The following RGL1 variants were observed in gnomAD, a reference collection of about 807,000 sequenced individuals.
The protein encoded by RGL1 is ral guanine nucleotide dissociation stimulator-like 1.
Under a neutral mutation model 95.2 loss-of-function variants are expected in RGL1, and 24 were observed. That is an observed-to-expected ratio of 0.25 (90% CI 0.18 to 0.35). The LOEUF is 0.35. RGL1 is among the 10% of genes least tolerant of loss of function. RGL1 has a pLI of 1.00. For missense variants in RGL1, 715 were observed against 936.3 expected (o/e 0.76, Z 3.08); for synonymous variants, 329 against 344.9 (o/e 0.95, Z 0.51).
intron 2 of RGL1, among the ~76,000 whole-genome samples, chr1:183,808,747 ATCTC>A (rs1319352573): frequency 1.9e-4 from 29 of 150,694 alleles, no homozygotes; most frequent in African/African-American, 1.9e-4. Context: ...TGTTGTGATG[ATCTC>A]TCTCTCTCTC....
intron 1 of RGL1, among the ~76,000 whole-genome samples, chr1:183,660,487 C>A (rs1651535356): frequency 6.6e-6 from 1 of 151,492 alleles, no homozygotes; most frequent in Non-Finnish European, 1.5e-5. Flanking sequence ...GTAAAGGGAT[C>A]AATGCAACAA....
At chr1:183,752,672 CTT>C (rs140993792) in intron 2 of RGL1, among the ~76,000 whole-genome samples, 1 of 134,650 alleles carries the variant, frequency 7.4e-6, no homozygotes, top group Admixed American at 7.9e-5. Context: ...CTCTTTCTCT[CTT>C]TCTCTCTCTC....
In RGL1 at chr1:183,696,480, GT is replaced by G. The variant is rs546645281; in HGVS notation, c.-32-45643del. 9.5e-3 allele frequency among the ~76,000 whole-genome samples: 1,453 copies of G among 152,240 alleles called. 18 individuals carry two copies. Among genetic ancestry groups the G allele is most frequent in the Non-Finnish European group, 0.014 (919 of 68,014 alleles). On this transcript the variant is annotated intron_variant, in intron 1 of 18. Transcript: ENST00000304685. ...GGGTGCCTTAGGGCTTTGTCTTAAT[GT>G]TTCTTCACATAACCTCAGTTGACAA...
chr1:183,742,365 C>T, intron 2 of RGL1: 1 of 1,556,688 alleles, frequency 6.4e-7, no homozygotes, highest in South Asian at 1.1e-5. Flanking sequence ...CTTCGTGTAG[C>T]CAGCACCACA....
intron 3 of RGL1, among the ~76,000 whole-genome samples, chr1:183,862,257 GA>G (rs1180410038): frequency 1.3e-5 from 2 of 152,198 alleles, no homozygotes; most frequent in Non-Finnish European, 2.9e-5. Flanking sequence ...AGCCTCTCAG[GA>G]GGCTGAGGTG....
chr1:183,916,398 T>C, intron 15 of RGL1, 49 bp from the exon 16 acceptor site: 1 of 1,598,518 alleles, frequency 6.3e-7, no homozygotes, highest in Non-Finnish European at 8.5e-7. Flanking sequence ...GCAAAGCTGT[T>C]GGCCAGCGTT....
At chr1:183,876,182 A>G (rs1479489687) in intron 4 of RGL1, among the ~76,000 whole-genome samples, 2 of 152,202 alleles carry the variant, frequency 1.3e-5, no homozygotes, top group Non-Finnish European at 2.9e-5. Flanking sequence ...CATCGCATAA[A>G]TTGTTTTTGT....
intron 4 of RGL1, among the ~76,000 whole-genome samples, chr1:183,867,931 G>T (rs559008755): frequency 1.3e-5 from 2 of 152,318 alleles, no homozygotes; most frequent in South Asian, 2.1e-4. Flanking sequence ...CCTGAGTTAG[G>T]TTCCATGTAG....
chr1:183,916,370 A>G (rs1238640762), intron 15 of RGL1, 77 bp from the exon 16 acceptor site: 10 of 1,541,390 alleles, frequency 6.5e-6, no homozygotes, highest in Admixed American at 1.8e-5. Context: ...CTTGATATCT[A>G]CCTCTGCTTT....
chr1:183,776,856 G>C (rs1392576910), intron 2 of RGL1, among the ~76,000 whole-genome samples: 2 of 152,174 alleles, frequency 1.3e-5, no homozygotes, highest in Admixed American at 6.5e-5. Flanking sequence ...GTCACTGTTA[G>C]CGAGGTCTCC....
intron 2 of RGL1, among the ~76,000 whole-genome samples, chr1:183,844,619 A>T (rs1664294936): frequency 6.6e-6 from 1 of 152,230 alleles, no homozygotes; most frequent in African/African-American, 2.4e-5. Context: ...AGCAACAGTG[A>T]ACCAAATAAT....
intron 1 of RGL1, among the ~76,000 whole-genome samples, chr1:183,718,024 A>G (rs1191353194): frequency 2.6e-5 from 4 of 152,170 alleles, no homozygotes; most frequent in Non-Finnish European, 1.5e-5. Context: ...AGACAGGTGG[A>G]TCACGAGGTC....
intron 2 of RGL1, among the ~76,000 whole-genome samples, chr1:183,788,820 CAT>C (rs554266102): frequency 1.2e-3 from 185 of 152,296 alleles, no homozygotes; most frequent in African/African-American, 4.2e-3. Context: ...GCCTATTTGA[CAT>C]GTGTGTGAAC....
chr1:183,716,917 G>A (rs1655657426), intron 1 of RGL1, among the ~76,000 whole-genome samples: 2 of 152,204 alleles, frequency 1.3e-5, no homozygotes, highest in Admixed American at 6.5e-5. Context: ...TTTGTCTCAT[G>A]TAGGACTTAA....
chr1:183,703,766 C>T (rs1474471157), intron 1 of RGL1, among the ~76,000 whole-genome samples: 1 of 152,152 alleles, frequency 6.6e-6, no homozygotes, highest in Non-Finnish European at 1.5e-5. Flanking sequence ...TGCCCAGGTA[C>T]CTGTCTCTGG....
intron 4 of RGL1, among the ~76,000 whole-genome samples, chr1:183,868,206 A>G (rs1221196022): frequency 6.6e-6 from 1 of 152,196 alleles, no homozygotes; most frequent in Non-Finnish European, 1.5e-5. Flanking sequence ...GGAACAACAC[A>G]GAATTGGTGT....
At chr1:183,809,993 A>G (rs983200493) in intron 2 of RGL1, among the ~76,000 whole-genome samples, 2 of 152,308 alleles carry the variant, frequency 1.3e-5, no homozygotes, top group Admixed American at 6.5e-5. Flanking sequence ...ACATTCACTT[A>G]TCTTGTGATT....
chr1:183,848,290 A>T (rs1038502362), intron 3 of RGL1, among the ~76,000 whole-genome samples: 1 of 152,210 alleles, frequency 6.6e-6, no homozygotes, highest in African/African-American at 2.4e-5. Flanking sequence ...AATATCCTTG[A>T]TCCGTATTTT....
chr1:183,811,958 A>G (rs991608230), intron 2 of RGL1, among the ~76,000 whole-genome samples: 1 of 152,208 alleles, frequency 6.6e-6, no homozygotes, highest in African/African-American at 2.4e-5. Flanking sequence ...TAGAAAGAAA[A>G]TGAGAGAAAT....
Sources: gnomAD v4.1 joint callset for allele counts (sites outside exome capture counted in the v4.1 genomes callset) on GRCh38, gnomAD v4.1.1 for gene constraint, MANE v1.5 for transcripts, NCBI Gene and HGNC (gene_info 2026-07-23, HGNC 2026-07-21) for gene names.